The following FSD1L variants were observed in gnomAD, a reference collection of about 807,000 sequenced individuals.
FSD1L encodes the protein fibronectin type III and SPRY domain containing 1 like.
A neutral mutation model predicts 71.6 loss-of-function variants in FSD1L; 45 were observed. That is an observed-to-expected ratio of 0.63 (90% confidence interval 0.49 to 0.81). FSD1L has a LOEUF of 0.81. FSD1L is among the 30% of genes least tolerant of loss of function. The pLI is 0.00. For missense variants in FSD1L, 561 were observed against 618.1 expected, an observed-to-expected ratio of 0.91 and a Z score of 0.98; for synonymous variants, 197 against 207.2, an observed-to-expected ratio of 0.95 and a Z score of 0.42.
At chr9:105,507,369 G>T (rs188077704) in intron 8 of FSD1L, among the ~76,000 whole-genome samples, 2 of 152,310 alleles carry the variant, frequency 1.3e-5, no homozygotes, top group Admixed American at 1.3e-4. Flanking sequence ...TACGCATGAG[G>T]AGTAATATTA....
At chr9:105,468,130 C>G (rs1831194880) in intron 3 of FSD1L, 63 bp from the exon 4 acceptor site, 1 of 1,171,610 alleles carries the variant, frequency 8.5e-7, no homozygotes. Context: ...TTGGGCATAC[C>G]TTTTAGGTTT....
rs140005178 is a variant in FSD1L at position 105,476,279 on chromosome 9, CCTCT to C, written c.442-3064_442-3061del. Among the ~76,000 whole-genome samples the C allele has an allele frequency of 2.8e-4, 42 of 150,902 alleles. 1 individual carries two copies. The highest frequency in any genetic ancestry group is 9.9e-4 in the Admixed American group (15 of 15,204). The stretch of plus-strand genomic sequence containing the variant: ...ATCAGAGATGGTGCCTTCCTTTCTC[CCTCT>C]CTCTCTCTCTTCCCTCATTGCCTCC... On this transcript the variant is annotated intron_variant, in intron 5 of 13. Transcript: ENST00000481272.
chr9:105,455,622 C>T (rs1830310996), intron 1 of FSD1L, among the ~76,000 whole-genome samples: 1 of 152,176 alleles, frequency 6.6e-6, no homozygotes. Flanking sequence ...ATTTGAAAAG[C>T]AGAGGTTCTG....
At chr9:105,504,756 A>G (rs897650057) in intron 7 of FSD1L, among the ~76,000 whole-genome samples, 1 of 152,210 alleles carries the variant, frequency 6.6e-6, no homozygotes, top group Non-Finnish European at 1.5e-5. Flanking sequence ...CTATGTCAAT[A>G]GTTGTTATAC....
At chr9:105,546,198 T>G (rs1023985225) in intron 13 of FSD1L, among the ~76,000 whole-genome samples, 160 bp from the exon 14 acceptor site, 1 of 152,002 alleles carries the variant, frequency 6.6e-6, no homozygotes, top group Non-Finnish European at 1.5e-5. Flanking sequence ...TAATTCTGAT[T>G]TAGTCTTTCC....
intron 4 of FSD1L, 30 bp downstream of exon 4, chr9:105,468,354 T>G (rs1331428708): frequency 2.7e-6 from 4 of 1,456,148 alleles, no homozygotes; most frequent in Non-Finnish European, 3.6e-6. Context: ...GAAATATGGA[T>G]AATTTTAGTC....
intron 10 of FSD1L, chr9:105,521,702 G>A (rs2131420600): frequency 1.2e-6 from 2 of 1,613,540 alleles, no homozygotes; most frequent in East Asian, 2.2e-5. Flanking sequence ...AAAGAGAAGA[G>A]GAAAATGGGA....
chr9:105,484,377 G>A lies in FSD1L; in HGVS notation c.465-4G>A, dbSNP rs115279225. 3,283 of 1,496,788 alleles carry A rather than the reference G, an allele frequency of 2.2e-3. 79 individuals carry two copies. In the African/African-American group the frequency reaches 0.042, roughly 19 times the overall value. The allele number at this position is 1,496,788 out of a possible 1,614,324, so 92.7% of individuals were successfully genotyped here. ...TTTAAAAAGTATGTTTGTGTTTACC[G>A]TAGAGTCACAATGGCTTCAGCCTTT... On this transcript the variant is annotated splice_region_variant and splice_polypyrimidine_tract_variant and intron_variant, in intron 6 of 13. Transcript: ENST00000481272.
intron 9 of FSD1L, among the ~76,000 whole-genome samples, chr9:105,510,840 A>T (rs1218892092): frequency 6.6e-6 from 1 of 152,170 alleles, no homozygotes; most frequent in African/African-American, 2.4e-5. Flanking sequence ...CCAAGAAAGC[A>T]GCCACTCGCA....
intron 6 of FSD1L, among the ~76,000 whole-genome samples, chr9:105,484,127 T>C (rs1164382689): frequency 6.6e-6 from 1 of 152,176 alleles, no homozygotes; most frequent in Non-Finnish European, 1.5e-5. Context: ...GTTATTCATA[T>C]ATATGCAATT....
intron 1 of FSD1L, among the ~76,000 whole-genome samples, chr9:105,454,418 A>G (rs1197420738): frequency 2.6e-5 from 4 of 152,222 alleles, no homozygotes; most frequent in Non-Finnish European, 5.9e-5. Flanking sequence ...CTTGTAGCCA[A>G]GTCTCTGCTT....
chr9:105,460,696 T>C (rs573366592), intron 1 of FSD1L, among the ~76,000 whole-genome samples: 2 of 152,162 alleles, frequency 1.3e-5, no homozygotes, highest in Non-Finnish European at 2.9e-5. Context: ...GATGATTCTT[T>C]GAATTTGTCT....
At chr9:105,450,253 C>T (rs1307313626) in intron 1 of FSD1L, among the ~76,000 whole-genome samples, 2 of 152,114 alleles carry the variant, frequency 1.3e-5, no homozygotes, top group Admixed American at 6.6e-5. Context: ...ATGGAATGTA[C>T]ATTGAAAATA....
At chr9:105,445,933 G>T (rs139751139), upstream of FSD1L, among the ~76,000 whole-genome samples, 13 of 152,272 alleles carry the variant, frequency 8.5e-5, no homozygotes, top group African/African-American at 3.1e-4. Flanking sequence ...CTGGACCCTG[G>T]CTCTCTAAGC....
intron 13 of FSD1L, among the ~76,000 whole-genome samples, chr9:105,539,763 C>T (rs1317503488): frequency 6.6e-6 from 1 of 152,082 alleles, no homozygotes; most frequent in Non-Finnish European, 1.5e-5. Flanking sequence ...CAGAATCATA[C>T]AGTATCTTTT....
intron 5 of FSD1L, among the ~76,000 whole-genome samples, chr9:105,476,009 TAAAA>T (rs1831773121): frequency 6.6e-6 from 1 of 152,216 alleles, no homozygotes; most frequent in Admixed American, 6.5e-5. Flanking sequence ...ATGATGATAT[TAAAA>T]AAAGATAGAA....
At chr9:105,530,048 G>A (rs1377166603) in intron 10 of FSD1L, among the ~76,000 whole-genome samples, 1 of 152,260 alleles carries the variant, frequency 6.6e-6, no homozygotes, top group Non-Finnish European at 1.5e-5. Context: ...TAGAAGGCTA[G>A]AAAGGCAGAT....
At chr9:105,486,302 TA>T (rs1390602892) in intron 7 of FSD1L, among the ~76,000 whole-genome samples, 1 of 152,222 alleles carries the variant, frequency 6.6e-6, no homozygotes, top group Non-Finnish European at 1.5e-5. Flanking sequence ...TAAATATTTT[TA>T]AAAGTTTTAT....
intron 13 of FSD1L, among the ~76,000 whole-genome samples, chr9:105,542,106 G>A (rs886414833): frequency 2.6e-5 from 4 of 152,096 alleles, no homozygotes; most frequent in Non-Finnish European, 4.4e-5. Context: ...TTTTCCCTTG[G>A]GTAAATACCT....
Sources: gnomAD v4.1 joint callset for allele counts (sites outside exome capture counted in the v4.1 genomes callset) on GRCh38, gnomAD v4.1.1 for gene constraint, MANE v1.5 for transcripts, NCBI Gene and HGNC (gene_info 2026-07-23, HGNC 2026-07-21) for gene names.